Variants in FAM227B observed in about 807,000 individuals in gnomAD.
FAM227B encodes the protein protein FAM227B.
Under a neutral mutation model 73.8 loss-of-function variants are expected in FAM227B, and 88 were observed. That is an observed-to-expected ratio of 1.19 (90% CI 1.00 to 1.42). The LOEUF (loss-of-function observed/expected upper bound fraction) is 1.42, where lower values mean the gene tolerates loss of function less well. Among genes scored for constraint, FAM227B ranks in the 40% most tolerant of loss-of-function variants. FAM227B has a pLI of 0.00. For synonymous variants in FAM227B, 210 were observed against 190.5 expected, an observed-to-expected ratio of 1.10 and a Z score of -0.84; for missense variants, 632 against 590.9, an observed-to-expected ratio of 1.07 and a Z score of -0.72.
chr15:49,424,322 AT>A, intron 11 of FAM227B: 5 of 1,613,548 alleles, frequency 3.1e-6, no homozygotes, highest in Non-Finnish European at 4.2e-6. Flanking sequence ...ACTGACATGG[AT>A]CCTGCCAACT....
intron 13 of FAM227B, among the ~76,000 whole-genome samples, chr15:49,363,605 T>C (rs932080957): frequency 2.6e-5 from 4 of 152,212 alleles, no homozygotes; most frequent in African/African-American, 9.6e-5. Flanking sequence ...CTTATTTGAA[T>C]GCCTTTTACT....
intron 11 of FAM227B, among the ~76,000 whole-genome samples, chr15:49,386,091 T>G (rs985152064): frequency 5.9e-5 from 9 of 151,790 alleles, no homozygotes; most frequent in African/African-American, 2.2e-4. Context: ...TAGCAGATCT[T>G]CAACACAGAA....
chr15:49,544,556 T>G (rs1486563052), intron 9 of FAM227B, among the ~76,000 whole-genome samples: 1 of 152,142 alleles, frequency 6.6e-6, no homozygotes, highest in Non-Finnish European at 1.5e-5. Context: ...ATAGAAGTGG[T>G]GAAAGTGGGC....
intron 5 of FAM227B, among the ~76,000 whole-genome samples, chr15:49,586,347 T>C (rs2076162367): frequency 1.3e-5 from 2 of 152,218 alleles, no homozygotes; most frequent in Non-Finnish European, 2.9e-5. Context: ...TGCAGAAGAT[T>C]GAAACTGGAC....
intron 11 of FAM227B, among the ~76,000 whole-genome samples, chr15:49,390,805 A>T (rs770078044): frequency 2.6e-5 from 4 of 152,048 alleles, no homozygotes; most frequent in Non-Finnish European, 4.4e-5. Context: ...CATTCTTTTA[A>T]TACTAACAAA....
intron 11 of FAM227B, among the ~76,000 whole-genome samples, chr15:49,499,857 A>G (rs1483235021): frequency 6.6e-6 from 1 of 152,196 alleles, no homozygotes; most frequent in Non-Finnish European, 1.5e-5. Flanking sequence ...ATTACTCAAA[A>G]TGAATTAGAG....
At chr15:49,373,442 T>G (rs745424242) in intron 11 of FAM227B, among the ~76,000 whole-genome samples, 9 of 152,146 alleles carry the variant, frequency 5.9e-5, no homozygotes, top group Non-Finnish European at 1.3e-4. Flanking sequence ...GGGAAAAATG[T>G]TAATATTCCC....
chr15:49,387,961 A>G (rs2046982059), intron 11 of FAM227B, among the ~76,000 whole-genome samples: 1 of 151,942 alleles, frequency 6.6e-6, no homozygotes, highest in African/African-American at 2.4e-5. Flanking sequence ...ACTACAAGAC[A>G]CTGCTGAAAG....
chr15:49,519,108 C>T (rs2059596058), intron 10 of FAM227B, among the ~76,000 whole-genome samples: 1 of 152,252 alleles, frequency 6.6e-6, no homozygotes, highest in African/African-American at 2.4e-5. Context: ...AATCTTAAAG[C>T]TTCAAAATGA....
Position 49,514,616 on chromosome 15 carries a change from T to C in FAM227B, c.875-6268A>G, listed in dbSNP as rs116852472. 5.4e-3 allele frequency among the ~76,000 whole-genome samples: 823 copies of C among 152,274 alleles called. 3 individuals are homozygous for C. Among genetic ancestry groups the C allele is most frequent in the Non-Finnish European group, 8.4e-3 (570 of 67,992 alleles). On this transcript the variant is annotated intron_variant, in intron 10 of 15. Transcript: ENST00000299338. ...TTTAAATTGAGATGTTTGATTTCTT[T>C]TCAGTGAATTTTCAGCTCTTCATAT... is the stretch of plus-strand genomic sequence containing the variant.
chr15:49,588,546 ACTATATATATATATATATATATATATAT>A (rs1460171978), intron 4 of FAM227B, among the ~76,000 whole-genome samples: 22 of 41,494 alleles, frequency 5.3e-4, no homozygotes, highest in African/African-American at 2.0e-3. Flanking sequence ...CATATTGAGG[ACTATATATATATATATATATATATATAT>A]ATATATATAT....
intron 12 of FAM227B, 31 bp downstream of exon 12, chr15:49,371,271 G>A (rs983852324): frequency 1.1e-5 from 15 of 1,366,508 alleles, no homozygotes; most frequent in Non-Finnish European, 1.6e-5. Flanking sequence ...AAACAAGTAA[G>A]AAATTTTTTC....
chr15:49,391,039 T>C (rs1389467109), intron 11 of FAM227B, among the ~76,000 whole-genome samples: 4 of 152,092 alleles, frequency 2.6e-5, no homozygotes, highest in Admixed American at 6.6e-5. Context: ...CACTTTCCAA[T>C]TGGGTCTCAA....
chr15:49,402,496 C>T (rs1013202978), intron 11 of FAM227B, among the ~76,000 whole-genome samples: 3 of 152,134 alleles, frequency 2.0e-5, no homozygotes, highest in Non-Finnish European at 4.4e-5. Flanking sequence ...CCTTCACTTC[C>T]CTTGTTAGCT....
intron 9 of FAM227B, among the ~76,000 whole-genome samples, chr15:49,546,520 T>C (rs1011615661): frequency 2.0e-5 from 3 of 152,232 alleles, no homozygotes; most frequent in African/African-American, 7.2e-5. Context: ...TCTAGATCCC[T>C]GAGGAATCAC....
At position 49,615,111 on chromosome 15, in the gene FAM227B, G is replaced by C; in HGVS notation, c.51+10C>G. The C allele has an allele frequency of 3.1e-6, 5 of 1,612,564 alleles. No individual in the cohort carries two copies. The highest frequency in any genetic ancestry group is 4.2e-6 in the Non-Finnish European group (5 of 1,178,556). On this transcript the variant is annotated intron_variant, in intron 2 of 15. Transcript: ENST00000299338. Reference sequence around the variant, plus strand: ...TGTAAGTGAACATAAAGCTGTGGAAGCTTCCTTACCCCGGGGCCAGCTCTG... The same window carrying C: ...TGTAAGTGAACATAAAGCTGTGGAACCTTCCTTACCCCGGGGCCAGCTCTG...
At chr15:49,462,376 A>T (rs2053880606) in intron 11 of FAM227B, among the ~76,000 whole-genome samples, 2 of 152,180 alleles carry the variant, frequency 1.3e-5, no homozygotes, top group South Asian at 2.1e-4. Context: ...TTTTCGGATG[A>T]TATTTCTTAA....
intron 10 of FAM227B, among the ~76,000 whole-genome samples, chr15:49,528,226 G>T (rs922471385): frequency 2.0e-5 from 3 of 151,608 alleles, no homozygotes; most frequent in African/African-American, 7.3e-5. Context: ...CTTTGACTAA[G>T]TCAACAAAAG....
chr15:49,333,669 T>TAGAAGTG (rs1333516411), intron 14 of FAM227B, among the ~76,000 whole-genome samples: 1 of 152,202 alleles, frequency 6.6e-6, no homozygotes, highest in African/African-American at 2.4e-5. Context: ...AAATAGTATT[T>TAGAAGTG]AGAAGTGTGA....
Sources: allele counts gnomAD v4.1 joint callset (sites outside exome capture counted in the v4.1 genomes callset), GRCh38; gene constraint gnomAD v4.1.1; transcripts MANE v1.5; gene names NCBI Gene and HGNC (gene_info 2026-07-23, HGNC 2026-07-21).